KIAA2012: variants seen among roughly 807,000 people sequenced by gnomAD.
KIAA2012 encodes the protein KIAA2012.
A neutral mutation model predicts 150.6 loss-of-function variants in KIAA2012; 125 were observed. The observed-to-expected ratio is 0.83, with a 90% CI of 0.72 to 0.96. The LOEUF is 0.96. KIAA2012 is among the 40% of genes least tolerant of loss of function. The pLI is 0.00. For missense variants in KIAA2012, 1,219 were observed against 1,354.9 expected, an observed-to-expected ratio of 0.90 and a Z score of 1.57; for synonymous variants, 462 against 504.7, an observed-to-expected ratio of 0.92 and a Z score of 1.13.
At chr2:202,129,200 A>G (rs1447915592) in intron 12 of KIAA2012, among the ~76,000 whole-genome samples, 1 of 151,350 alleles carries the variant, frequency 6.6e-6, no homozygotes, top group Non-Finnish European at 1.5e-5. Flanking sequence ...TATTCGTTGG[A>G]ACACCTATAG....
chr2:202,156,100 G>A (rs1259971444), intron 14 of KIAA2012, among the ~76,000 whole-genome samples: 1 of 152,076 alleles, frequency 6.6e-6, no homozygotes, highest in Non-Finnish European at 1.5e-5. Context: ...AGATTGAGGT[G>A]GGAGGATCGC....
At chr2:202,148,293 G>A (rs1289052481) in intron 13 of KIAA2012, among the ~76,000 whole-genome samples, 4 of 152,154 alleles carry the variant, frequency 2.6e-5, no homozygotes, top group Admixed American at 6.5e-5. Flanking sequence ...TTTCTCTTCC[G>A]AGGCTCATGT....
intron 11 of KIAA2012, chr2:202,116,009 GA>G (rs1271198785): frequency 6.6e-6 from 1 of 152,132 alleles, no homozygotes; most frequent in Admixed American, 6.5e-5. Context: ...CTTGAGAAAG[GA>G]AAAGTTAACT....
At position 202,086,158 on chromosome 2, in the gene KIAA2012, ACT is replaced by A. The variant is rs1689562647; in HGVS notation, c.370-4609_370-4608del. Among the ~76,000 whole-genome samples the A allele has an allele frequency of 3.0e-5, 3 of 101,150 alleles. No homozygotes were observed. The South Asian group carries it at 9.3e-4, about 31-fold the overall frequency. 66.4% of individuals were successfully genotyped at this position (101,150 alleles called of 152,430 possible). ...ACTCCAGCCTGGGTGAAAGACCGAA[ACT>A]CTGTCTCAAAAAAAAAAAAAAAAAA... On this transcript the variant is annotated intron_variant, in intron 2 of 23. Coordinates refer to ENST00000498697, the MANE Select transcript of KIAA2012 (RefSeq NM_001277372.4).
chr2:202,190,419 T>C lies in KIAA2012; in HGVS notation c.2737T>C (p.Ser913Pro), dbSNP rs780095220. The C allele has an allele frequency of 5.2e-5, 81 of 1,550,194 alleles. No homozygotes were observed. Among genetic ancestry groups the C allele is most frequent in the Non-Finnish European group, 6.9e-5 (79 of 1,146,766 alleles). Residue 913 changes from serine to proline, a missense_variant, in exon 19 of 24, where the codon TCA becomes CCA. Coordinates refer to ENST00000498697, the MANE Select transcript of KIAA2012 (RefSeq NM_001277372.4). Reference sequence around the variant, plus strand: ...CCAAGTTTCTCTAGATGGAAGATCATCACCCTCTCAGATTGCAACTGTCAC... The same window carrying C: ...CCAAGTTTCTCTAGATGGAAGATCACCACCCTCTCAGATTGCAACTGTCAC... The part of the protein sequence containing the change: ...ESQVSLDGRS[S>P]PSQIATVTGN...
At position 202,075,054 on chromosome 2, in the gene KIAA2012, G is replaced by A; in HGVS notation, c.248G>A (p.Trp83Ter). 1 of 1,550,580 alleles carries A rather than the reference G, an allele frequency of 6.4e-7. No individual in the cohort carries two copies. Among genetic ancestry groups the A allele is most frequent in the African/African-American group, 1.4e-5 (1 of 73,166 alleles). ...TCAGAAGGTTTTGCCATTTCGGCAT[G>A]GACACCCAAAGAGAGGAGAAAAGGC... ...LYSEGFAISA[W>*]TPKERRKGPY... The change falls in exon 2 of 24, where the codon TGG becomes TAG. Residue 83 changes from tryptophan to a stop codon, truncating the protein, a stop_gained. Transcript: ENST00000498697. LOFTEE classifies it high-confidence loss of function.
chr2:202,188,371 T>A, intron 18 of KIAA2012, 105 bp downstream of exon 18: 1 of 845,948 alleles, frequency 1.2e-6, no homozygotes. Context: ...ACTCTCTGTT[T>A]TGAGACTTCT....
chr2:202,091,177 C>G (rs919136537), intron 3 of KIAA2012, among the ~76,000 whole-genome samples: 6 of 152,236 alleles, frequency 3.9e-5, no homozygotes, highest in Non-Finnish European at 8.8e-5. Flanking sequence ...CCCTCAGCAG[C>G]CTCACATGCC....
chr2:202,192,700 A>G (rs957409743), intron 19 of KIAA2012, among the ~76,000 whole-genome samples: 3 of 152,030 alleles, frequency 2.0e-5, no homozygotes, highest in Non-Finnish European at 4.4e-5. Flanking sequence ...CAGGTGATCT[A>G]CCCACCTCAG....
chr2:202,195,076 A>C (rs1430829804), intron 21 of KIAA2012, among the ~76,000 whole-genome samples: 2 of 151,872 alleles, frequency 1.3e-5, no homozygotes, highest in East Asian at 3.9e-4. Flanking sequence ...CCCAATTATT[A>C]GTTATTTTTA....
At chr2:202,183,744 G>T (rs1268394687) in intron 15 of KIAA2012, among the ~76,000 whole-genome samples, 1 of 152,172 alleles carries the variant, frequency 6.6e-6, no homozygotes, top group Non-Finnish European at 1.5e-5. Context: ...GACCCCAGGT[G>T]ATCTGCCTGC....
chr2:202,189,245 C>T (rs1461199830), intron 18 of KIAA2012, among the ~76,000 whole-genome samples: 1 of 151,992 alleles, frequency 6.6e-6, no homozygotes, highest in Admixed American at 6.6e-5. Context: ...GTGTACAAGC[C>T]TACCCTCCGG....
At chr2:202,150,274 T>C (rs750918753) in intron 13 of KIAA2012, among the ~76,000 whole-genome samples, 2 of 152,246 alleles carry the variant, frequency 1.3e-5, no homozygotes, top group African/African-American at 2.4e-5. Flanking sequence ...TTTCATTTAC[T>C]AAAGAGAAAG....
At position 202,190,442 on chromosome 2, in the gene KIAA2012, C is replaced by T; in HGVS notation, c.2760C>T (p.Val920=). 1 of 1,547,586 alleles carries T rather than the reference C, an allele frequency of 6.5e-7. No individual in the cohort carries two copies. Among genetic ancestry groups the T allele is most frequent in the Non-Finnish European group, 8.7e-7 (1 of 1,145,198 alleles). ...GRSSPSQIAT[V]TGNMESKEER... ...CATCACCCTCTCAGATTGCAACTGT[C>T]ACTGGCAACATGGAATCTAAAGAAG... Residue 920 remains valine, a synonymous_variant, in exon 19 of 24, where the codon GTC becomes GTT. Transcript: ENST00000498697.
intron 9 of KIAA2012, among the ~76,000 whole-genome samples, chr2:202,107,412 A>T (rs533995825): frequency 4.6e-5 from 7 of 152,126 alleles, no homozygotes; most frequent in Non-Finnish European, 1.0e-4. Context: ...TTTTCAAAAA[A>T]TCCAAATATC....
chr2:202,157,130 TAC>T (rs1691545611), intron 14 of KIAA2012, among the ~76,000 whole-genome samples: 1 of 152,172 alleles, frequency 6.6e-6, no homozygotes, highest in Non-Finnish European at 1.5e-5. Context: ...ACACGCTCGG[TAC>T]ACTTTCTGAC....
At chr2:202,124,353 A>T (rs879934139) in intron 11 of KIAA2012, among the ~76,000 whole-genome samples, 1 of 152,164 alleles carries the variant, frequency 6.6e-6, no homozygotes, top group African/African-American at 2.4e-5. Context: ...GTAGCTAGGA[A>T]AATAATTCTC....
At chr2:202,168,869 TCTCA>T (rs1691827568) in intron 15 of KIAA2012, among the ~76,000 whole-genome samples, 1 of 152,066 alleles carries the variant, frequency 6.6e-6, no homozygotes, top group African/African-American at 2.4e-5. Flanking sequence ...TTGTGGAAAT[TCTCA>T]GAAACAAATA....
At chr2:202,085,866 T>A (rs1400752514) in intron 2 of KIAA2012, among the ~76,000 whole-genome samples, 2 of 152,092 alleles carry the variant, frequency 1.3e-5, no homozygotes, top group African/African-American at 4.8e-5. Flanking sequence ...ACCAAGCTGG[T>A]GCTTCAGAAA....
Sources: allele counts gnomAD v4.1 joint callset (sites outside exome capture counted in the v4.1 genomes callset), GRCh38; gene constraint gnomAD v4.1.1; transcripts MANE v1.5; gene names NCBI Gene and HGNC (gene_info 2026-07-23, HGNC 2026-07-21).